POFUT2: variants seen among roughly 807,000 people sequenced by gnomAD.
POFUT2 encodes protein O-fucosyltransferase 2, also known as GDP-fucose protein O-fucosyltransferase 2.
Under a neutral mutation model 55.0 loss-of-function variants are expected in POFUT2, and 30 were observed. The ratio of observed to expected loss-of-function variants is 0.55; its 90% CI spans 0.41 to 0.74. The LOEUF (loss-of-function observed/expected upper bound fraction) is 0.74, where lower values mean the gene tolerates loss of function less well. POFUT2 is among the 30% of genes least tolerant of loss of function. POFUT2 has a pLI of 0.00. For synonymous variants in POFUT2, 267 were observed against 231.1 expected, an observed-to-expected ratio of 1.16 and a Z score of -1.41; for missense variants, 524 against 562.6, an observed-to-expected ratio of 0.93 and a Z score of 0.69.
rs1602140174 is a variant in POFUT2, at chr21:45,265,440, C to T, written c.*42G>A. 19 of 1,555,202 alleles carry T rather than the reference C, an allele frequency of 1.2e-5. No homozygotes were observed. Among genetic ancestry groups the T allele is most frequent in the Non-Finnish European group, 1.7e-5 (19 of 1,144,734 alleles). On this transcript the variant is annotated 3_prime_UTR_variant, in exon 9 of 9. Transcript: ENST00000349485. This position sits in a 1 kb window ranked among gnomAD's most constrained non-coding sequence, Gnocchi z 4.6. ...CCACGGCGACAGAACCTGCATCCAC[C>T]CGCGCCTGTCGGGTCCGGGGAGCGG... is the stretch of plus-strand genomic sequence containing the variant.
rs2031299604 is a variant in POFUT2, at chr21:45,285,606, T to C, written c.382+72A>G. On this transcript the variant is annotated intron_variant, in intron 2 of 8. Transcript: ENST00000349485. The surrounding 1 kb of genome is among the most constrained non-coding windows in gnomAD (Gnocchi z 4.9). Reference sequence around the variant, plus strand: ...GGATGCAATCGTAAGCCCAACCTGATGTCTACCTTAGAAATGACTGCCTGG... The same window carrying C: ...GGATGCAATCGTAAGCCCAACCTGACGTCTACCTTAGAAATGACTGCCTGG... 2 of 1,595,028 alleles carry C rather than the reference T, an allele frequency of 1.3e-6. No homozygotes were observed. Among genetic ancestry groups the C allele is most frequent in the East Asian group, 2.2e-5 (1 of 44,816 alleles).
intron 4 of POFUT2, among the ~76,000 whole-genome samples, chr21:45,278,757 G>C (rs575166244): frequency 6.6e-6 from 1 of 152,226 alleles, no homozygotes; most frequent in African/African-American, 2.4e-5. Flanking sequence ...GGTGAGGTGC[G>C]TGAAGCACGT....
chr21:45,272,977 C>T (rs1007766294), intron 6 of POFUT2, among the ~76,000 whole-genome samples: 1 of 151,920 alleles, frequency 6.6e-6, no homozygotes, highest in Non-Finnish European at 1.5e-5. Flanking sequence ...TAAGGTCATA[C>T]CTCAAGGAAT....
At chr21:45,273,403 C>G (rs752343385) in intron 6 of POFUT2, among the ~76,000 whole-genome samples, 1 of 151,930 alleles carries the variant, frequency 6.6e-6, no homozygotes, top group African/African-American at 2.4e-5. Context: ...AAATTGCCAA[C>G]AAAAAAAGTC....
intron 7 of POFUT2, among the ~76,000 whole-genome samples, chr21:45,268,570 G>T (rs1014712139): frequency 2.0e-5 from 3 of 151,798 alleles, no homozygotes; most frequent in African/African-American, 4.8e-5. Flanking sequence ...TCACATCTAG[G>T]AAGTGAGGAG....
Position 45,282,732 on chromosome 21 carries a change from C to A in POFUT2, c.528-273G>T. The A allele has an allele frequency of 1.9e-6, 1 of 539,722 alleles. No homozygotes were observed. The highest frequency in any genetic ancestry group is 3.6e-6 in the Non-Finnish European group (1 of 279,332). 33.4% of individuals were successfully genotyped at this position (539,722 alleles called of 1,614,324 possible). A position where few individuals can be genotyped will look rare whatever the true frequency, so the allele number is the denominator to read the frequency against. On this transcript the variant is annotated intron_variant, in intron 3 of 8. Coordinates refer to ENST00000349485, the MANE Select transcript of POFUT2 (RefSeq NM_133635.6). This position sits in a 1 kb window ranked among gnomAD's most constrained non-coding sequence, Gnocchi z 4.6. ...GGCAGAGGGAGCCGGACAGAGGCAG[C>A]CCTGTGCACCTTCAGGGCCAGCCTG...
chr21:45,287,806 G>C lies in POFUT2; in HGVS notation c.66C>G (p.Ser22=), dbSNP rs777680198. The C allele has an allele frequency of 6.6e-6, 10 of 1,511,582 alleles. No homozygotes were observed. In the East Asian group the frequency reaches 2.1e-4, roughly 32 times the overall value. 93.6% of individuals were successfully genotyped at this position (1,511,582 alleles called of 1,614,324 possible). ...GAVSWPPASA[S]GQEFWPGQSA... ...ATTGTCCGGGCCAGAACTCCTGGCC[G>C]GAGGCAGAAGCCGGAGGCCAGGACA... Residue 22 remains serine, a synonymous_variant, in exon 1 of 9, where the codon TCC becomes TCG. Coordinates refer to ENST00000349485, the MANE Select transcript of POFUT2 (RefSeq NM_133635.6).
intron 7 of POFUT2, among the ~76,000 whole-genome samples, chr21:45,268,877 CGGG>C: frequency 1.0e-5 from 1 of 98,360 alleles, no homozygotes; most frequent in South Asian, 4.4e-4. Flanking sequence ...GTCAGCACCC[CGGG>C]CGGCCAGCCG....
At chr21:45,273,289 G>A (rs997132495) in intron 6 of POFUT2, among the ~76,000 whole-genome samples, 4 of 152,016 alleles carry the variant, frequency 2.6e-5, no homozygotes, top group Non-Finnish European at 4.4e-5. Flanking sequence ...AAAATCAAGA[G>A]GATAAATTCC....
chr21:45,265,802 A>AC lies in POFUT2; in HGVS notation c.1137-168dup. The AC allele has an allele frequency of 7.1e-7, 1 of 1,418,022 alleles. No homozygotes were observed. The allele number at this position is 1,418,022 out of a possible 1,614,324, so 87.8% of individuals were successfully genotyped here. A position where few individuals can be genotyped will look rare whatever the true frequency, so the allele number is the denominator to read the frequency against. ...ACCAGCCGGCCGCCCCCTTGCTGGC[A>AC]CCCCTCGCTCAGGTGCCCTCGACAT... On this transcript the variant is annotated intron_variant, in intron 8 of 8. Coordinates refer to ENST00000349485, the MANE Select transcript of POFUT2 (RefSeq NM_133635.6). This position sits in a 1 kb window ranked among gnomAD's most constrained non-coding sequence, Gnocchi z 4.6.
chr21:45,277,538 A>G lies in POFUT2; in HGVS notation c.706-396T>C, dbSNP rs1187706350. ...AAACGGGGTGGGACTGACCTGCACA[A>G]AGTCCCACGTGAGCAGGGACTGTGT... On this transcript the variant is annotated intron_variant, in intron 5 of 8. Transcript: ENST00000349485. This position sits in a 1 kb window ranked among gnomAD's most constrained non-coding sequence, Gnocchi z 6.9. 1 of 250,314 alleles carries G rather than the reference A, an allele frequency of 4.0e-6. No individual in the cohort carries two copies. The highest frequency in any genetic ancestry group is 1.0e-4 in the East Asian group (1 of 9,696). 15.5% of individuals were successfully genotyped at this position (250,314 alleles called of 1,614,324 possible).
chr21:45,266,308 G>A, intron 8 of POFUT2: 1 of 1,365,736 alleles, frequency 7.3e-7, no homozygotes, highest in Non-Finnish European at 9.8e-7. Flanking sequence ...CACAGGGCCA[G>A]CAGGCCACAC....
intron 7 of POFUT2, among the ~76,000 whole-genome samples, chr21:45,268,404 C>A (rs1440463424): frequency 5.3e-5 from 8 of 151,620 alleles, no homozygotes; most frequent in African/African-American, 1.9e-4. Flanking sequence ...CCGGCCGCCA[C>A]CCCATCTGGG....
Position 45,278,133 on chromosome 21 carries a change from G to A in POFUT2, c.675C>T (p.His225=), listed in dbSNP as rs372838263. The change falls in exon 5 of 9, where the codon CAC becomes CAT. Residue 225 remains histidine (H), a synonymous_variant. Coordinates refer to ENST00000349485, the MANE Select transcript of POFUT2 (RefSeq NM_133635.6). The part of the protein sequence containing the change: ...VMLDRAENLL[H]DHYGGKEYWD... ...AGTATTCTTTCCCTCCATAGTGGTCGTGAAGTAGGTTCTCGGCTCTGTCTA... is the reference window on the plus strand; with the variant it reads ...AGTATTCTTTCCCTCCATAGTGGTCATGAAGTAGGTTCTCGGCTCTGTCTA... 89 of 1,613,702 alleles carry A rather than the reference G, an allele frequency of 5.5e-5. 1 individual carries two copies. The highest frequency in any genetic ancestry group is 3.8e-4 in the East Asian group (17 of 44,904).
chr21:45,271,127 A>C (rs752359761), intron 6 of POFUT2, among the ~76,000 whole-genome samples: 1 of 152,226 alleles, frequency 6.6e-6, no homozygotes, highest in Non-Finnish European at 1.5e-5. Flanking sequence ...GTGAAAACCA[A>C]CTTAAAGAAA....
At chr21:45,283,950 G>A (rs1213492557) in intron 2 of POFUT2, among the ~76,000 whole-genome samples, 1 of 151,892 alleles carries the variant, frequency 6.6e-6, no homozygotes, top group Non-Finnish European at 1.5e-5. Flanking sequence ...TCACCCCCTC[G>A]GCCACCATCT....
Position 45,285,394 on chromosome 21 carries a change from G to A in POFUT2, c.382+284C>T, listed in dbSNP as rs752160614. 2.8e-5 allele frequency: 12 copies of A among 430,294 alleles called. No individual in the cohort carries two copies. Among genetic ancestry groups the A allele is most frequent in the South Asian group, 8.2e-5 (4 of 48,562 alleles). 26.7% of individuals were successfully genotyped at this position (430,294 alleles called of 1,614,324 possible). A position where few individuals can be genotyped will look rare whatever the true frequency, so the allele number is the denominator to read the frequency against. On this transcript the variant is annotated intron_variant, in intron 2 of 8. Transcript: ENST00000349485. This position sits in a 1 kb window ranked among gnomAD's most constrained non-coding sequence, Gnocchi z 4.9. ...GTCACTATAACACCCAGGGGTGGCC[G>A]CTTTCTTAGGGTGTAAGGGCGGCTC...
chr21:45,273,380 G>A (rs8134084), intron 6 of POFUT2, among the ~76,000 whole-genome samples: 45,189 of 152,020 alleles, frequency 0.3, 6,914 homozygotes, highest in East Asian at 0.44. Flanking sequence ...GTGAGATTGA[G>A]ACAGTAATTT....
At chr21:45,273,333 G>A (rs2093235301) in intron 6 of POFUT2, among the ~76,000 whole-genome samples, 1 of 152,106 alleles carries the variant, frequency 6.6e-6, no homozygotes, top group Non-Finnish European at 1.5e-5. Flanking sequence ...TATAGACCAG[G>A]AAGAAATATA....
Sources: gnomAD v4.1 joint callset for allele counts (sites outside exome capture counted in the v4.1 genomes callset) on GRCh38, gnomAD v4.1.1 for gene constraint, Gnocchi (gnomAD v3.1) non-coding constraint, MANE v1.5 for transcripts, NCBI Gene and HGNC (gene_info 2026-07-23, HGNC 2026-07-21) for gene names.